Variants in PARP8 observed in about 807,000 individuals in gnomAD.
PARP8 encodes the protein protein mono-ADP-ribosyltransferase PARP8.
A neutral mutation model predicts 124.1 loss-of-function variants in PARP8; 51 were observed. The observed-to-expected ratio is 0.41, with a 90% CI of 0.33 to 0.52. The LOEUF (loss-of-function observed/expected upper bound fraction) is 0.52, where lower values mean the gene tolerates loss of function less well. Ranked by LOEUF, PARP8 falls within the 20% of genes least tolerant of loss-of-function variation. The probability of loss-of-function intolerance (pLI) is 0.21; values close to 1 mark genes in which losing one functional copy is unlikely to be tolerated. For synonymous variants in PARP8, 391 were observed against 361.5 expected, an observed-to-expected ratio of 1.08 and a Z score of -0.93; for missense variants, 860 against 1,018.9, an observed-to-expected ratio of 0.84 and a Z score of 2.12.
Position 50,724,984 on chromosome 5 carries a change from A to T in PARP8, c.147-25167A>T, listed in dbSNP as rs139267131. ...TTTCCACTCCTGAGTTACTTCACTT[A>T]GAATATGGCCTCCAGTGCCATTTAT... is the stretch of plus-strand genomic sequence containing the variant. On this transcript the variant is annotated intron_variant, in intron 2 of 25. Transcript: ENST00000281631. Among the ~76,000 whole-genome samples the T allele has an allele frequency of 4.6e-5, 7 of 152,170 alleles. No individual in the cohort carries two copies. The East Asian group carries it at 9.7e-4, about 21-fold the overall frequency.
intron 2 of PARP8, among the ~76,000 whole-genome samples, chr5:50,721,867 A>AT (rs1755923764): frequency 6.6e-6 from 1 of 151,982 alleles, no homozygotes; most frequent in South Asian, 2.1e-4. Context: ...AGCAATTCTG[A>AT]TTTTTTTCTG....
At chr5:50,825,044 A>AT in intron 18 of PARP8, 69 bp downstream of exon 18, 1 of 1,304,846 alleles carries the variant, frequency 7.7e-7, no homozygotes, top group African/African-American at 1.5e-5. Context: ...AAGGAAAAAA[A>AT]CCAAACAAAC....
chr5:50,802,621 T>A (rs1348334484), intron 14 of PARP8, among the ~76,000 whole-genome samples: 2 of 152,170 alleles, frequency 1.3e-5, no homozygotes, highest in African/African-American at 2.4e-5. Context: ...CCAGCCTTAA[T>A]AATATATAAA....
chr5:50,732,837 C>G (rs751984199), intron 2 of PARP8, among the ~76,000 whole-genome samples: 33 of 151,816 alleles, frequency 2.2e-4, no homozygotes, highest in Non-Finnish European at 4.0e-4. Flanking sequence ...CAAGGATGGT[C>G]TCGATCTCCT....
At chr5:50,822,854 T>C (rs1017737235) in intron 17 of PARP8, among the ~76,000 whole-genome samples, 3 of 151,984 alleles carry the variant, frequency 2.0e-5, no homozygotes, top group Non-Finnish European at 2.9e-5. Context: ...CCGGAGAGTA[T>C]GGGTTTATGT....
chr5:50,740,113 AGGTAGAT>A (rs1757899283), intron 2 of PARP8, among the ~76,000 whole-genome samples: 1 of 152,082 alleles, frequency 6.6e-6, no homozygotes, highest in Non-Finnish European at 1.5e-5. Flanking sequence ...ACTATGTGCT[AGGTAGAT>A]GGTAGGTGCT....
At chr5:50,832,064 T>A (rs1747049152) in intron 22 of PARP8, among the ~76,000 whole-genome samples, 3 of 152,316 alleles carry the variant, frequency 2.0e-5, no homozygotes, top group Non-Finnish European at 4.4e-5. Flanking sequence ...CTGGAAAAGT[T>A]GGATAAATGT....
Position 50,795,323 on chromosome 5 carries a change from T to C in PARP8, c.1334T>C (p.Phe445Ser), listed in dbSNP as rs1190913403. The change falls in exon 12 of 26, where the codon TTC becomes TCC. Residue 445 changes from phenylalanine (F) to serine (S), a missense_variant. By Grantham distance (155) the Phe-to-Ser change is radical. Coordinates refer to ENST00000281631, the MANE Select transcript of PARP8 (RefSeq NM_024615.4). ...SAPKSSKTEL[F>S]KEPNAEGRRL... ...CCCAAGTCATCCAAAACTGAGCTTT[T>C]CAAGGAACCTAACGCAGAGGGCAGG... 6.2e-7 allele frequency: 1 copy of C among 1,614,160 alleles called. No homozygotes were observed. Among genetic ancestry groups the C allele is most frequent in the South Asian group, 1.1e-5 (1 of 91,080 alleles).
intron 9 of PARP8, among the ~76,000 whole-genome samples, chr5:50,784,747 A>C (rs1249151239): frequency 1.3e-5 from 2 of 152,178 alleles, no homozygotes. Context: ...GTATCAGTAC[A>C]GTTCTGGGGA....
intron 14 of PARP8, among the ~76,000 whole-genome samples, chr5:50,815,212 G>T (rs1744962758): frequency 1.3e-5 from 2 of 151,878 alleles, no homozygotes; most frequent in Non-Finnish European, 2.9e-5. Flanking sequence ...TAACTGAAAA[G>T]GATCTTTTTT....
intron 2 of PARP8, among the ~76,000 whole-genome samples, chr5:50,687,681 G>A (rs1212982536): frequency 6.6e-6 from 1 of 152,122 alleles, no homozygotes; most frequent in African/African-American, 2.4e-5. Flanking sequence ...AAGGCAAGGA[G>A]GAGTAAGTCA....
At chr5:50,776,354 G>C (rs973807056) in intron 7 of PARP8, among the ~76,000 whole-genome samples, 1 of 151,976 alleles carries the variant, frequency 6.6e-6, no homozygotes, top group African/African-American at 2.4e-5. Context: ...TTTTCTTTTT[G>C]TTGTTGTTTC....
intron 1 of PARP8, chr5:50,667,529 G>A (rs1846150): frequency 1.4e-6 from 1 of 700,028 alleles, no homozygotes; most frequent in African/African-American, 1.7e-5. Context: ...AGCGGCGGCA[G>A]AGCGGGGTTG....
At chr5:50,714,256 T>C (rs1755074817) in intron 2 of PARP8, among the ~76,000 whole-genome samples, 4 of 151,920 alleles carry the variant, frequency 2.6e-5, no homozygotes, top group Admixed American at 2.6e-4. Flanking sequence ...CCAACACCGA[T>C]TGCTGCTTGG....
At chr5:50,689,579 C>T (rs1054327142) in intron 2 of PARP8, among the ~76,000 whole-genome samples, 2 of 152,190 alleles carry the variant, frequency 1.3e-5, no homozygotes, top group African/African-American at 4.8e-5. Flanking sequence ...CTTCCTCTCA[C>T]ATTTCATGGA....
chr5:50,833,831 A>T, intron 23 of PARP8, 148 bp from the exon 24 acceptor site: 1 of 564,574 alleles, frequency 1.8e-6, no homozygotes, highest in Non-Finnish European at 3.2e-6. Flanking sequence ...TAATATTAAG[A>T]GAGTGCAAGG....
chr5:50,761,248 A>G (rs192467405), intron 5 of PARP8, among the ~76,000 whole-genome samples: 126 of 152,226 alleles, frequency 8.3e-4, no homozygotes, highest in African/African-American at 3.0e-3. Flanking sequence ...GATGTGGCTC[A>G]GTTAATTAGA....
chr5:50,763,443 G>T (rs1760760888), intron 7 of PARP8, among the ~76,000 whole-genome samples: 1 of 152,016 alleles, frequency 6.6e-6, no homozygotes, highest in South Asian at 2.1e-4. Flanking sequence ...TACATTGATT[G>T]CATTAAAAAT....
chr5:50,708,246 G>A (rs1273707966), intron 2 of PARP8, among the ~76,000 whole-genome samples: 1 of 151,888 alleles, frequency 6.6e-6, no homozygotes, highest in African/African-American at 2.4e-5. Context: ...CCTTCCCAGA[G>A]CTCTCCTTTT....
Sources: gnomAD v4.1 joint callset for allele counts (sites outside exome capture counted in the v4.1 genomes callset) on GRCh38, gnomAD v4.1.1 for gene constraint, MANE v1.5 for transcripts, NCBI Gene and HGNC (gene_info 2026-07-23, HGNC 2026-07-21) for gene names.